The following ARMC2 variants were observed in gnomAD, a reference collection of about 807,000 sequenced individuals.
The protein encoded by ARMC2 is armadillo repeat-containing protein 2.
ARMC2 carries 67 observed loss-of-function variants against 90.3 expected under a neutral mutation model. The ratio of observed to expected loss-of-function variants is 0.74; its 90% CI spans 0.61 to 0.91. ARMC2 has a LOEUF of 0.91. Among genes scored for constraint, ARMC2 ranks in the 40% least tolerant of loss-of-function variants. The probability of loss-of-function intolerance (pLI) is 0.00; values close to 1 mark genes in which losing one functional copy is unlikely to be tolerated. For missense variants in ARMC2, 920 were observed against 1,030.9 expected (o/e 0.89, Z 1.47); for synonymous variants, 393 against 393.0 (o/e 1.00, Z 0.00).
chr6:109,027,554 T>G, the ARMC2 span, among the ~76,000 whole-genome samples: 1 of 149,230 alleles, frequency 6.7e-6, no homozygotes, highest in African/African-American at 2.5e-5. Flanking sequence ...TTTTAGTCAA[T>G]CTAATGGGTG....
chr6:108,932,680 C>G (rs562839718), intron 11 of ARMC2, among the ~76,000 whole-genome samples: 4 of 151,706 alleles, frequency 2.6e-5, no homozygotes, highest in Admixed American at 1.3e-4. Context: ...AGGTGCCCAC[C>G]ACCACGCCCG....
the ARMC2 span, chr6:109,001,509 A>G: frequency 6.9e-6 from 11 of 1,603,770 alleles, no homozygotes; most frequent in Non-Finnish European, 1.7e-6. Flanking sequence ...GAGAAAAACC[A>G]TGGTTACTGA....
chr6:108,990,851 A>G, the ARMC2 span: 1 of 1,605,866 alleles, frequency 6.2e-7, no homozygotes, highest in Non-Finnish European at 8.5e-7. Flanking sequence ...TACAGGGAAT[A>G]GAACAAATGT....
At chr6:108,873,221 T>C (rs1776599037) in intron 4 of ARMC2, among the ~76,000 whole-genome samples, 1 of 152,242 alleles carries the variant, frequency 6.6e-6, no homozygotes, top group Non-Finnish European at 1.5e-5. Context: ...TCACAAAATA[T>C]TGTTCTTTCT....
At chr6:108,944,996 G>C (rs568755071) in intron 12 of ARMC2, among the ~76,000 whole-genome samples, 50 of 152,278 alleles carry the variant, frequency 3.3e-4, no homozygotes, top group Admixed American at 3.3e-3. Flanking sequence ...AGATGAAACA[G>C]CCTCTCGTTC....
chr6:108,976,782 C>G (rs1352418637), downstream of ARMC2, among the ~76,000 whole-genome samples: 1 of 152,192 alleles, frequency 6.6e-6, no homozygotes, highest in Admixed American at 6.5e-5. Context: ...TGGGAGTTCA[C>G]TCACGATTTG....
At chr6:108,864,579 CTT>C (rs1775617700) in intron 3 of ARMC2, among the ~76,000 whole-genome samples, 1 of 152,120 alleles carries the variant, frequency 6.6e-6, no homozygotes, top group Admixed American at 6.5e-5. Flanking sequence ...TGCTTTCTGA[CTT>C]TCAAGGTGTC....
At chr6:108,990,502 A>C in the ARMC2 span, 1 of 735,056 alleles carries the variant, frequency 1.4e-6, no homozygotes, top group Non-Finnish European at 2.2e-6. Context: ...TGGTTCTTTG[A>C]AGCATAAATA....
the ARMC2 span, among the ~76,000 whole-genome samples, chr6:108,982,216 A>C: frequency 6.6e-6 from 1 of 152,232 alleles, no homozygotes; most frequent in East Asian, 1.9e-4. Flanking sequence ...GTGACTTAAC[A>C]AAAGTTCATT....
intron 2 of ARMC2, among the ~76,000 whole-genome samples, chr6:108,857,742 T>C (rs1204507412): frequency 6.6e-6 from 1 of 151,182 alleles, no homozygotes; most frequent in Non-Finnish European, 1.5e-5. Context: ...TCTGCTGATA[T>C]GTATTCTCTT....
At chr6:108,878,101 A>G (rs1394867752) in intron 5 of ARMC2, among the ~76,000 whole-genome samples, 1 of 152,222 alleles carries the variant, frequency 6.6e-6, no homozygotes, top group East Asian at 1.9e-4. Context: ...TTTACGTAGT[A>G]GGATTAAAAT....
the ARMC2 span, among the ~76,000 whole-genome samples, chr6:109,018,381 G>A: frequency 1.3e-5 from 2 of 152,220 alleles, no homozygotes; most frequent in African/African-American, 4.8e-5. Context: ...ATTAGGAGGG[G>A]TATAGTTTAT....
At chr6:109,048,993 C>A in the ARMC2 span, among the ~76,000 whole-genome samples, 8 of 152,324 alleles carry the variant, frequency 5.3e-5, no homozygotes, top group East Asian at 1.3e-3. Context: ...GTGTCTTTGT[C>A]CTTTTTGCTT....
chr6:108,902,750 A>C (rs1772277056), intron 7 of ARMC2, among the ~76,000 whole-genome samples: 1 of 152,202 alleles, frequency 6.6e-6, no homozygotes, highest in Admixed American at 6.5e-5. Context: ...GTATTTATTT[A>C]AGATTGGTTT....
chr6:109,017,793 C>T, the ARMC2 span, among the ~76,000 whole-genome samples: 1 of 152,130 alleles, frequency 6.6e-6, no homozygotes. Flanking sequence ...TAGTTGTAAT[C>T]CCTTTAAATT....
At chr6:108,972,573 GTTTA>G (rs1778830833) in intron 17 of ARMC2, among the ~76,000 whole-genome samples, 1 of 152,138 alleles carries the variant, frequency 6.6e-6, no homozygotes, top group Non-Finnish European at 1.5e-5. Context: ...TTAATACGTT[GTTTA>G]TTCTGAGAAA....
At chr6:108,997,360 C>A in the ARMC2 span, among the ~76,000 whole-genome samples, 1 of 152,158 alleles carries the variant, frequency 6.6e-6, no homozygotes, top group Admixed American at 6.5e-5. Flanking sequence ...TCTCTTGGAT[C>A]CTCTTCTGAC....
chr6:108,947,997 T>C (rs1776924514), intron 12 of ARMC2, among the ~76,000 whole-genome samples: 1 of 152,236 alleles, frequency 6.6e-6, no homozygotes, highest in Non-Finnish European at 1.5e-5. Context: ...AAGGAGAGAA[T>C]GTGTGCCTCA....
chr6:108,914,562 T>C (rs1773760715), intron 10 of ARMC2, among the ~76,000 whole-genome samples: 1 of 151,988 alleles, frequency 6.6e-6, no homozygotes, highest in African/African-American at 2.4e-5. Flanking sequence ...CAGGAGAAAA[T>C]GGAGCCCATG....
Sources: gnomAD v4.1 joint callset for allele counts (sites outside exome capture counted in the v4.1 genomes callset) on GRCh38, gnomAD v4.1.1 for gene constraint, MANE v1.5 for transcripts, NCBI Gene and HGNC (gene_info 2026-07-23, HGNC 2026-07-21) for gene names.